Variants in RBMS3 observed in about 807,000 individuals in gnomAD.
RBMS3 encodes RNA binding motif single stranded interacting protein 3.
In RBMS3, 27 loss-of-function variants were observed where a neutral mutation model predicts 66.8. That is an observed-to-expected ratio of 0.40 (90% CI 0.30 to 0.56). The LOEUF is 0.56. RBMS3 is among the 20% of genes least tolerant of loss of function. The pLI, the probability that RBMS3 is intolerant of heterozygous loss-of-function variation, is 0.40. For missense variants in RBMS3, 513 were observed against 549.5 expected, an observed-to-expected ratio of 0.93 and a Z score of 0.66; for synonymous variants, 188 against 183.0, an observed-to-expected ratio of 1.03 and a Z score of -0.22.
chr3:29,406,385 A>G (rs561953597), intron 1 of RBMS3, among the ~76,000 whole-genome samples: 50 of 152,352 alleles, frequency 3.3e-4, no homozygotes, highest in Admixed American at 1.3e-4. Flanking sequence ...ACTAAAAGCT[A>G]TGACTGTAGC....
chr3:29,809,653 T>C (rs2057670263), intron 6 of RBMS3, among the ~76,000 whole-genome samples: 1 of 151,988 alleles, frequency 6.6e-6, no homozygotes, highest in Non-Finnish European at 1.5e-5. Context: ...CATCTTTTGC[T>C]CTTGCAAGGC....
At chr3:29,544,743 A>G (rs1360039674) in intron 3 of RBMS3, among the ~76,000 whole-genome samples, 1 of 146,768 alleles carries the variant, frequency 6.8e-6, no homozygotes, top group Admixed American at 6.9e-5. Context: ...TTTTATGACA[A>G]AAGAATGGTC....
At chr3:29,827,956 C>G (rs574448050) in intron 6 of RBMS3, among the ~76,000 whole-genome samples, 24 of 152,276 alleles carry the variant, frequency 1.6e-4, no homozygotes, top group African/African-American at 5.1e-4. Context: ...AGTCATTTCT[C>G]TGGTTCCCCC....
chr3:29,581,615 A>G (rs1380644402), intron 3 of RBMS3, among the ~76,000 whole-genome samples: 3 of 152,230 alleles, frequency 2.0e-5, no homozygotes, highest in African/African-American at 4.8e-5. Context: ...GAATGTATAT[A>G]TAATTCTTAG....
At chr3:29,540,539 T>C (rs568010359) in intron 3 of RBMS3, among the ~76,000 whole-genome samples, 83 of 152,332 alleles carry the variant, frequency 5.4e-4, no homozygotes, top group African/African-American at 1.9e-3. Flanking sequence ...ATATTGTTTT[T>C]CTGATCTGTG....
At position 29,946,022 on chromosome 3, in the gene RBMS3, A is replaced by G. The variant is rs144992974; in HGVS notation, c.1098+1768A>G. Reference sequence around the variant, plus strand: ...CCTAGGTTCCCAGCAGTGGAGTATGAAGGAAGGGACCCAATATAGAGTTAA... The same window carrying G: ...CCTAGGTTCCCAGCAGTGGAGTATGGAGGAAGGGACCCAATATAGAGTTAA... On this transcript the variant is annotated intron_variant, in intron 12 of 14. Transcript: ENST00000383767. Among the ~76,000 whole-genome samples, 1,004 of 151,914 alleles carry G rather than the reference A, an allele frequency of 6.6e-3. 11 individuals carry two copies. The highest frequency in any genetic ancestry group is 0.023 in the African/African-American group (963 of 41,522).
intron 7 of RBMS3, among the ~76,000 whole-genome samples, chr3:29,873,142 G>C (rs978510840): frequency 6.6e-6 from 1 of 152,058 alleles, no homozygotes; most frequent in African/African-American, 2.4e-5. Flanking sequence ...AATGTCATTA[G>C]TAGTTTGATA....
rs531987479 is a variant in RBMS3 at position 29,736,041 on chromosome 3, A to G, written c.400-3679A>G. ...AAGAGTTCTTTGTTTCATAGTGCCAATGAACCTTTTGAAAATGACCATCCA... is the reference window on the plus strand; with the variant it reads ...AAGAGTTCTTTGTTTCATAGTGCCAGTGAACCTTTTGAAAATGACCATCCA... On this transcript the variant is annotated intron_variant, in intron 4 of 14. Coordinates refer to ENST00000383767, the MANE Select transcript of RBMS3 (RefSeq NM_001003793.3). Among the ~76,000 whole-genome samples the G allele has an allele frequency of 3.9e-5, 6 of 152,362 alleles. No homozygotes were observed. In the East Asian group the frequency reaches 1.2e-3, roughly 29 times the overall value.
chr3:29,475,045 G>A (rs2042896872), intron 2 of RBMS3, among the ~76,000 whole-genome samples: 1 of 152,144 alleles, frequency 6.6e-6, no homozygotes, highest in Non-Finnish European at 1.5e-5. Context: ...GAAGCTTCTT[G>A]CATAATTCAC....
At chr3:29,559,103 A>AAGAT (rs1339152853) in intron 3 of RBMS3, among the ~76,000 whole-genome samples, 1 of 152,152 alleles carries the variant, frequency 6.6e-6, no homozygotes, top group African/African-American at 2.4e-5. Context: ...CCAATGAACA[A>AAGAT]AGATAGTGAG....
intron 6 of RBMS3, among the ~76,000 whole-genome samples, chr3:29,837,531 G>T (rs1021171103): frequency 6.6e-5 from 10 of 151,066 alleles, no homozygotes; most frequent in Non-Finnish European, 1.3e-4. Flanking sequence ...AGAGATAAAA[G>T]TTTGTACCCC....
intron 4 of RBMS3, among the ~76,000 whole-genome samples, chr3:29,710,400 T>A (rs551642956): frequency 1.3e-4 from 20 of 152,316 alleles, no homozygotes; most frequent in African/African-American, 4.8e-4. Flanking sequence ...ACTACATACA[T>A]TTTCTCTGTG....
At chr3:29,568,385 T>C (rs967597634) in intron 3 of RBMS3, among the ~76,000 whole-genome samples, 1 of 152,320 alleles carries the variant, frequency 6.6e-6, no homozygotes, top group Middle Eastern at 3.4e-3. Context: ...TATAAAGATT[T>C]GTTATGTGAA....
chr3:29,724,064 T>C (rs1186769238), intron 4 of RBMS3, among the ~76,000 whole-genome samples: 2 of 152,036 alleles, frequency 1.3e-5, no homozygotes, highest in African/African-American at 4.8e-5. Flanking sequence ...ATCATTAATC[T>C]TTGTCGCTCA....
chr3:29,404,263 C>G (rs371181181), intron 1 of RBMS3, among the ~76,000 whole-genome samples: 1 of 152,096 alleles, frequency 6.6e-6, no homozygotes, highest in Non-Finnish European at 1.5e-5. Context: ...GTGAATCACA[C>G]TGAGATCACT....
chr3:29,541,247 A>T (rs2045743411), intron 3 of RBMS3, among the ~76,000 whole-genome samples: 1 of 152,110 alleles, frequency 6.6e-6, no homozygotes, highest in South Asian at 2.1e-4. Flanking sequence ...GCAGCCACAC[A>T]TGCCCAACTG....
intron 1 of RBMS3, among the ~76,000 whole-genome samples, chr3:29,365,435 C>T (rs951656061): frequency 5.9e-5 from 9 of 151,790 alleles, no homozygotes; most frequent in Non-Finnish European, 8.8e-5. Context: ...TTTCTCTCTT[C>T]GTATCAAAGA....
intron 3 of RBMS3, among the ~76,000 whole-genome samples, chr3:29,550,113 C>A (rs2046130295): frequency 6.6e-6 from 1 of 152,210 alleles, no homozygotes; most frequent in South Asian, 2.1e-4. Context: ...TGATCTCATT[C>A]TTCCTTTCCA....
At chr3:29,625,387 C>T (rs1391517769) in intron 4 of RBMS3, among the ~76,000 whole-genome samples, 1 of 152,034 alleles carries the variant, frequency 6.6e-6, no homozygotes, top group Non-Finnish European at 1.5e-5. Context: ...CTGTAGAAGA[C>T]AATTTGATGC....
Sources: gnomAD v4.1 joint callset for allele counts (sites outside exome capture counted in the v4.1 genomes callset) on GRCh38, gnomAD v4.1.1 for gene constraint, MANE v1.5 for transcripts, NCBI Gene and HGNC (gene_info 2026-07-23, HGNC 2026-07-21) for gene names.